Variants in COL4A2 observed in about 807,000 individuals in gnomAD.
COL4A2 encodes collagen alpha-2(IV) chain.
In COL4A2, 99 loss-of-function variants were observed where a neutral mutation model predicts 200.2. The observed-to-expected ratio is 0.49, with a 90% CI of 0.42 to 0.58. The LOEUF is 0.58. Among genes scored for constraint, COL4A2 ranks in the 20% least tolerant of loss-of-function variants. The pLI is 0.00. For missense variants in COL4A2, 1,950 were observed against 2,314.1 expected (o/e 0.84, Z 3.23); for synonymous variants, 897 against 900.6 (o/e 1.00, Z 0.07).
At position 110,331,936 on chromosome 13, in the gene COL4A2, ACT is replaced by A. The variant is rs570222876; in HGVS notation, c.99+23816_99+23817del. On this transcript the variant is annotated intron_variant, in intron 3 of 47. Coordinates refer to ENST00000360467, the MANE Select transcript of COL4A2 (RefSeq NM_001846.4). ...ACCTGTGTTGCAAAGACCTTTTTTC[ACT>A]CTGTCTTTTCTGTCTTAATGATGTC... Among the ~76,000 whole-genome samples the A allele has an allele frequency of 2.7e-4, 40 of 150,938 alleles. No homozygotes were observed. The South Asian group carries it at 4.0e-3, about 15-fold the overall frequency.
chr13:110,460,644 CTA>C (rs1459213170), intron 22 of COL4A2, among the ~76,000 whole-genome samples: 1 of 152,218 alleles, frequency 6.6e-6, no homozygotes, highest in Non-Finnish European at 1.5e-5. Context: ...GCACTGAATT[CTA>C]TGATTGTGTG....
At chr13:110,343,775 T>A (rs1195768087) in intron 3 of COL4A2, among the ~76,000 whole-genome samples, 1 of 152,356 alleles carries the variant, frequency 6.6e-6, no homozygotes, top group East Asian at 1.9e-4. Context: ...TGAAAAAGGA[T>A]TCCTGGATCT....
chr13:110,358,827 A>G (rs1020997432), intron 4 of COL4A2, among the ~76,000 whole-genome samples: 1 of 152,240 alleles, frequency 6.6e-6, no homozygotes. Context: ...AAACAATAAT[A>G]TAATGCAAAA....
intron 4 of COL4A2, among the ~76,000 whole-genome samples, chr13:110,411,343 G>A (rs564680119): frequency 2.6e-5 from 4 of 152,314 alleles, no homozygotes; most frequent in South Asian, 2.1e-4. Context: ...TTTCAACAAC[G>A]AATCTGTTCA....
intron 3 of COL4A2, among the ~76,000 whole-genome samples, chr13:110,348,978 T>G (rs1056432528): frequency 6.6e-6 from 1 of 152,230 alleles, no homozygotes; most frequent in African/African-American, 2.4e-5. Context: ...TATAACTCGA[T>G]TACTGCTCAT....
intron 38 of COL4A2, among the ~76,000 whole-genome samples, chr13:110,492,581 C>A (rs896333220): frequency 1.3e-5 from 2 of 152,244 alleles, no homozygotes; most frequent in Non-Finnish European, 2.9e-5. Context: ...CTGCCATGCT[C>A]ACTGCCCATG....
rs76664152 is a variant in COL4A2, at chr13:110,386,962, G to A, written c.180+29410G>A. Among the ~76,000 whole-genome samples the A allele has an allele frequency of 8.0e-3, 1,214 of 152,256 alleles. 20 individuals are homozygous for A. Among genetic ancestry groups the A allele is most frequent in the African/African-American group, 0.028 (1,142 of 41,522 alleles). On this transcript the variant is annotated intron_variant, in intron 4 of 47. Transcript: ENST00000360467. ...TCACTTAAATGGAGCGACTGAGGCCGGGCACGGTGGCTCATACCTGTAATC... is the reference window on the plus strand; with the variant it reads ...TCACTTAAATGGAGCGACTGAGGCCAGGCACGGTGGCTCATACCTGTAATC...
chr13:110,333,327 C>T (rs542772336), intron 3 of COL4A2, among the ~76,000 whole-genome samples: 4 of 152,104 alleles, frequency 2.6e-5, no homozygotes, highest in Non-Finnish European at 5.9e-5. Context: ...ATTAGGAGTC[C>T]CACACCTCTT....
chr13:110,349,014 G>C (rs537171246), intron 3 of COL4A2, among the ~76,000 whole-genome samples: 1 of 152,172 alleles, frequency 6.6e-6, no homozygotes, highest in Non-Finnish European at 1.5e-5. Flanking sequence ...TGAGAACAAT[G>C]ACCAGCATTT....
At position 110,512,292 on chromosome 13, in the gene COL4A2, A is replaced by C. The variant is rs1177993710; in HGVS notation, c.*101A>C. The C allele has an allele frequency of 9.7e-6, 11 of 1,133,784 alleles. No individual in the cohort carries two copies. In the East Asian group the frequency reaches 2.6e-4, roughly 26 times the overall value. The allele number at this position is 1,133,784 out of a possible 1,614,324, so 70.2% of individuals were successfully genotyped here. On this transcript the variant is annotated 3_prime_UTR_variant, in exon 48 of 48. Transcript: ENST00000360467. ...TTTTATTTTTTTCTTAAAAAAAAAA[A>C]AGTCTACCAAAGGAATTTGCATCCA...
chr13:110,417,404 G>A (rs1452718829), intron 4 of COL4A2, among the ~76,000 whole-genome samples: 1 of 151,922 alleles, frequency 6.6e-6, no homozygotes, highest in Non-Finnish European at 1.5e-5. Context: ...TCGGTCGCCG[G>A]GCAACATGCC....
At chr13:110,312,331 G>A (rs140164413) in intron 3 of COL4A2, among the ~76,000 whole-genome samples, 5 of 152,288 alleles carry the variant, frequency 3.3e-5, no homozygotes, top group Non-Finnish European at 5.9e-5. Flanking sequence ...GGCTCTGTAC[G>A]ACCAGGCGGC....
At chr13:110,415,845 T>C (rs563196182) in intron 4 of COL4A2, among the ~76,000 whole-genome samples, 89 of 152,328 alleles carry the variant, frequency 5.8e-4, no homozygotes, top group African/African-American at 2.1e-3. Context: ...AGCTGCTTAC[T>C]ACCTGCAGAG....
chr13:110,438,584 G>A (rs1880993992), intron 14 of COL4A2, 34 bp from the exon 15 acceptor site: 1 of 1,613,998 alleles, frequency 6.2e-7, no homozygotes, highest in African/African-American at 1.3e-5. Flanking sequence ...GCCGCCCCTG[G>A]GTTGCTCCTT....
intron 30 of COL4A2, 136 bp from the exon 31 acceptor site, chr13:110,480,084 T>C (rs1027030268): frequency 2.2e-5 from 22 of 983,364 alleles, no homozygotes; most frequent in Middle Eastern, 3.4e-4. Context: ...CTTTGGAAAC[T>C]CACCCCAACA....
rs564904701 is a variant in COL4A2 at position 110,321,208 on chromosome 13, G to GTATATATA, written c.99+13096_99+13103dup. Among the ~76,000 whole-genome samples the GTATATATA allele has an allele frequency of 4.8e-5, 7 of 146,590 alleles. No individual in the cohort carries two copies. The South Asian group carries it at 8.6e-4, about 18-fold the overall frequency. On this transcript the variant is annotated intron_variant, in intron 3 of 47. Coordinates refer to ENST00000360467, the MANE Select transcript of COL4A2 (RefSeq NM_001846.4). ...TGTGTGTGTGTGTATGTGTCTGTGT[G>GTATATATA]TATATATATATATATATACACACAC...
In COL4A2 at chr13:110,475,463, T is replaced by A. The variant is rs553248180; in HGVS notation, c.2425+2313T>A. 9.2e-5 allele frequency among the ~76,000 whole-genome samples: 14 copies of A among 152,344 alleles called. No homozygotes were observed. In the East Asian group the frequency reaches 2.5e-3, roughly 27 times the overall value. On this transcript the variant is annotated intron_variant, in intron 29 of 47. Coordinates refer to ENST00000360467, the MANE Select transcript of COL4A2 (RefSeq NM_001846.4). ...AAGGGTACTTCTGGTAGAATTTTTT[T>A]AAAACTTAATTACTTCCTGCAGGCT...
Position 110,496,312 on chromosome 13 carries a change from G to A in COL4A2, c.3760+845G>A, listed in dbSNP as rs912947. ...TTTTGCTGGGGTGCAGGGATGTCTC[G>A]AGGCTTGCAGATCACATCTCACTCT... On this transcript the variant is annotated intron_variant, in intron 40 of 47. Transcript: ENST00000360467. Among the ~76,000 whole-genome samples, 40 of 152,182 alleles carry A rather than the reference G, an allele frequency of 2.6e-4. 1 individual carries two copies. The highest frequency in any genetic ancestry group is 3.9e-4 in the African/African-American group (16 of 41,508).
chr13:110,438,648 A>C lies in COL4A2; in HGVS notation c.892A>C (p.Met298Leu), dbSNP rs750364763. 3 of 1,614,082 alleles carry C rather than the reference A, an allele frequency of 1.9e-6. No individual in the cohort carries two copies. The highest frequency in any genetic ancestry group is 2.5e-6 in the Non-Finnish European group (3 of 1,180,038). ...TTCCTTGAAGGGAGAAGAAGGAATC[A>C]TGGGCTTTCCTGGACTGAGGGTAAA... ...GISLKGEEGI[M>L]GFPGLRGYPG... The change falls in exon 15 of 48, where the codon ATG becomes CTG. Residue 298 changes from methionine (M) to leucine (L), a missense_variant. Met to Leu is a conservative substitution (Grantham distance 15). Transcript: ENST00000360467.
Sources: allele counts gnomAD v4.1 joint callset (sites outside exome capture counted in the v4.1 genomes callset), GRCh38; gene constraint gnomAD v4.1.1; transcripts MANE v1.5; gene names NCBI Gene and HGNC (gene_info 2026-07-23, HGNC 2026-07-21).